The following PTPN3 variants were observed in gnomAD, a reference collection of about 807,000 sequenced individuals.
PTPN3 encodes the protein protein tyrosine phosphatase non-receptor type 3.
Under a neutral mutation model 132.7 loss-of-function variants are expected in PTPN3, and 96 were observed. The observed-to-expected ratio is 0.72, with a 90% CI of 0.61 to 0.86. The LOEUF is 0.86. Among genes scored for constraint, PTPN3 ranks in the 40% least tolerant of loss-of-function variants. The pLI is 0.00. For missense variants in PTPN3, 1,125 were observed against 1,159.6 expected (o/e 0.97, Z 0.43); for synonymous variants, 398 against 429.0 (o/e 0.93, Z 0.89).
At chr9:109,536,497 C>T in the PTPN3 span, among the ~76,000 whole-genome samples, 43 of 152,300 alleles carry the variant, frequency 2.8e-4, no homozygotes, top group South Asian at 1.2e-3. Flanking sequence ...CGCAATGATA[C>T]GATGCCTTTA....
intron 19 of PTPN3, among the ~76,000 whole-genome samples, chr9:109,391,989 T>C (rs1840161265): frequency 1.3e-5 from 2 of 152,006 alleles, no homozygotes; most frequent in South Asian, 4.2e-4. Context: ...AACGAGAGCA[T>C]TTCATTCATC....
chr9:109,509,136 T>C, the PTPN3 span, among the ~76,000 whole-genome samples: 3 of 152,240 alleles, frequency 2.0e-5, no homozygotes, highest in African/African-American at 7.2e-5. Context: ...ATGACCTCCA[T>C]ATTTGAGCAG....
chr9:109,538,402 G>A, the PTPN3 span, among the ~76,000 whole-genome samples: 1 of 152,100 alleles, frequency 6.6e-6, no homozygotes, highest in African/African-American at 2.4e-5. Context: ...TGCCTCAATC[G>A]GCTTCCAAAG....
intron 4 of PTPN3, 129 bp from the exon 5 acceptor site, chr9:109,454,703 T>G: frequency 1.5e-6 from 1 of 684,622 alleles, no homozygotes; most frequent in Non-Finnish European, 2.5e-6. Context: ...AAGGGCTAAT[T>G]TCAAACATGG....
At chr9:109,424,065 T>A (rs547327003) in intron 12 of PTPN3, among the ~76,000 whole-genome samples, 4 of 152,292 alleles carry the variant, frequency 2.6e-5, no homozygotes, top group Non-Finnish European at 5.9e-5. Flanking sequence ...CTGCCAGTGA[T>A]GAAGAGCACA....
the PTPN3 span, among the ~76,000 whole-genome samples, chr9:109,521,795 T>C: frequency 6.6e-6 from 1 of 152,202 alleles, no homozygotes; most frequent in African/African-American, 2.4e-5. Context: ...CTTTCAAGGG[T>C]GCTTGTGTTC....
chr9:109,456,929 G>A (rs187810723), intron 4 of PTPN3, among the ~76,000 whole-genome samples: 14 of 152,086 alleles, frequency 9.2e-5, no homozygotes, highest in South Asian at 2.1e-4. Flanking sequence ...GGGTTCCCTC[G>A]CTCTGAGCTG....
the PTPN3 span, among the ~76,000 whole-genome samples, chr9:109,533,126 A>ATTTTTTTTTTTTTTTTTTTTTT: frequency 5.5e-5 from 2 of 36,554 alleles, 1 homozygote; most frequent in African/African-American, 2.4e-4. Context: ...TACCTGGCTA[A>ATTTTTTTTTTTTTTTTTTTTTT]TTTTTTTTTT....
At chr9:109,523,321 A>T in the PTPN3 span, among the ~76,000 whole-genome samples, 1 of 152,084 alleles carries the variant, frequency 6.6e-6, no homozygotes, top group Non-Finnish European at 1.5e-5. Flanking sequence ...TCACCATGTT[A>T]GCCAGGATGG....
chr9:109,390,483 G>A (rs538267081), intron 21 of PTPN3, among the ~76,000 whole-genome samples: 15 of 152,232 alleles, frequency 9.9e-5, no homozygotes, highest in African/African-American at 3.6e-4. Context: ...ATAGCATTAG[G>A]AGATATACCT....
chr9:109,499,557 A>G (rs1392834383), upstream of PTPN3, among the ~76,000 whole-genome samples: 1 of 140,060 alleles, frequency 7.1e-6, no homozygotes, highest in Non-Finnish European at 1.6e-5. Flanking sequence ...TACTGCAGTG[A>G]CCCCCCTGCA....
intron 8 of PTPN3, 92 bp downstream of exon 8, chr9:109,438,022 A>T (rs1844182235): frequency 7.1e-7 from 1 of 1,404,610 alleles, no homozygotes; most frequent in Non-Finnish European, 9.5e-7. Context: ...ATTCATGCAC[A>T]AAAGAAAGAG....
At chr9:109,431,047 TG>T (rs1282970808) in intron 10 of PTPN3, among the ~76,000 whole-genome samples, 4 of 152,264 alleles carry the variant, frequency 2.6e-5, no homozygotes, top group Admixed American at 6.5e-5. Context: ...CTTGTCACCC[TG>T]GGGTCACCAT....
chr9:109,425,476 C>T (rs1023580408), intron 12 of PTPN3, among the ~76,000 whole-genome samples: 4 of 151,936 alleles, frequency 2.6e-5, no homozygotes, highest in East Asian at 1.9e-4. Flanking sequence ...TTTGGGAGGC[C>T]GAGGCAGGCA....
In PTPN3 at chr9:109,378,053, A is replaced by G. The variant is rs1009625308; in HGVS notation, c.*1503T>C. ...TAGCTCTAGAGATAAAGAATCTCCC[A>G]TATAGGTCTTCATCCGTCTTGCTAC... is the stretch of plus-strand genomic sequence containing the variant. On this transcript the variant is annotated 3_prime_UTR_variant, in exon 26 of 26. Coordinates refer to ENST00000374541, the MANE Select transcript of PTPN3 (RefSeq NM_002829.4). 1 of 152,246 alleles carries G rather than the reference A, an allele frequency of 6.6e-6. No homozygotes were observed. Among genetic ancestry groups the G allele is most frequent in the Non-Finnish European group, 1.5e-5 (1 of 68,042 alleles). The allele number at this position is 152,246 out of a possible 1,614,324, so 9.4% of individuals were successfully genotyped here. A position where few individuals can be genotyped will look rare whatever the true frequency, so the allele number is the denominator to read the frequency against.
chr9:109,383,372 C>T, intron 23 of PTPN3, 51 bp downstream of exon 23: 1 of 1,613,584 alleles, frequency 6.2e-7, no homozygotes, highest in Non-Finnish European at 8.5e-7. Context: ...ATGACAGTGG[C>T]CGCTGATTCA....
At chr9:109,394,630 C>T (rs543063200) in intron 19 of PTPN3, among the ~76,000 whole-genome samples, 3 of 151,922 alleles carry the variant, frequency 2.0e-5, no homozygotes, top group Non-Finnish European at 4.4e-5. Context: ...TTTATTTATA[C>T]AATTTTATAC....
chr9:109,525,845 G>A, the PTPN3 span, among the ~76,000 whole-genome samples: 4 of 152,120 alleles, frequency 2.6e-5, no homozygotes, highest in African/African-American at 9.7e-5. Context: ...AACTCCTTAA[G>A]CTGTATACTT....
intron 1 of PTPN3, among the ~76,000 whole-genome samples, chr9:109,465,772 C>T (rs576954810): frequency 6.1e-5 from 9 of 146,558 alleles, no homozygotes; most frequent in African/African-American, 1.8e-4. Context: ...GCTCAGGGAA[C>T]GGTGAAGATA....
Sources: gnomAD v4.1 joint callset for allele counts (sites outside exome capture counted in the v4.1 genomes callset) on GRCh38, gnomAD v4.1.1 for gene constraint, MANE v1.5 for transcripts, NCBI Gene and HGNC (gene_info 2026-07-23, HGNC 2026-07-21) for gene names.